The following AKAP7 variants were observed in gnomAD, a reference collection of about 807,000 sequenced individuals.
The protein encoded by AKAP7 is A kinase (PRKA) anchor protein 7.
A neutral mutation model predicts 39.5 loss-of-function variants in AKAP7; 39 were observed. The ratio of observed to expected loss-of-function variants is 0.99; its 90% confidence interval spans 0.76 to 1.29. The LOEUF (loss-of-function observed/expected upper bound fraction) is 1.29, where lower values mean the gene tolerates loss of function less well. Among genes scored for constraint, AKAP7 ranks in the 50% most tolerant of loss-of-function variants. The probability of loss-of-function intolerance (pLI) is 0.00; values close to 1 mark genes in which losing one functional copy is unlikely to be tolerated. For missense variants in AKAP7, 414 were observed against 407.7 expected, an observed-to-expected ratio of 1.02 and a Z score of -0.13; for synonymous variants, 140 against 139.1, an observed-to-expected ratio of 1.01 and a Z score of -0.05.
chr6:131,182,784 A>G (rs917643584), intron 5 of AKAP7, among the ~76,000 whole-genome samples: 2 of 151,926 alleles, frequency 1.3e-5, no homozygotes, highest in East Asian at 3.9e-4. Flanking sequence ...GGGCTCCAAC[A>G]CTTGTTATTT....
intron 7 of AKAP7, among the ~76,000 whole-genome samples, chr6:131,275,718 C>T (rs1445800862): frequency 6.6e-6 from 1 of 152,190 alleles, no homozygotes; most frequent in Non-Finnish European, 1.5e-5. Flanking sequence ...AGTCACAGGG[C>T]TCATCCTGAA....
chr6:131,273,774 C>T (rs577133744), intron 7 of AKAP7, among the ~76,000 whole-genome samples: 7 of 152,094 alleles, frequency 4.6e-5, no homozygotes, highest in Non-Finnish European at 8.8e-5. Flanking sequence ...CTAAATTTCT[C>T]TGTAGTATCA....
chr6:131,158,613 T>A (rs940220555), intron 2 of AKAP7, among the ~76,000 whole-genome samples: 1 of 152,050 alleles, frequency 6.6e-6, no homozygotes, highest in East Asian at 1.9e-4. Flanking sequence ...GTTCAAGCGA[T>A]TTTGTGCCTC....
chr6:131,174,523 C>T (rs1326400228), intron 5 of AKAP7, among the ~76,000 whole-genome samples: 1 of 152,236 alleles, frequency 6.6e-6, no homozygotes, highest in East Asian at 1.9e-4. Flanking sequence ...AGCTCAGGGC[C>T]TGGAGGTTAC....
At chr6:131,131,292 T>C (rs563689748), upstream of AKAP7, among the ~76,000 whole-genome samples, 10 of 152,288 alleles carry the variant, frequency 6.6e-5, no homozygotes, top group South Asian at 2.1e-3. Context: ...GGGTTGTCTA[T>C]GCTAGATGCT....
intron 2 of AKAP7, among the ~76,000 whole-genome samples, chr6:131,159,474 A>G (rs866320901): frequency 4.6e-5 from 7 of 152,252 alleles, no homozygotes; most frequent in Non-Finnish European, 7.3e-5. Context: ...AAATTATTAG[A>G]AAATGAAATA....
At chr6:131,196,966 C>T (rs1806997908) in intron 5 of AKAP7, among the ~76,000 whole-genome samples, 1 of 151,996 alleles carries the variant, frequency 6.6e-6, no homozygotes, top group Non-Finnish European at 1.5e-5. Context: ...ATATTTATAA[C>T]TCTGGTCTCC....
chr6:131,203,493 A>T (rs913157368), intron 6 of AKAP7, among the ~76,000 whole-genome samples: 4 of 152,182 alleles, frequency 2.6e-5, no homozygotes, highest in Admixed American at 6.6e-5. Context: ...GACTCATTTC[A>T]CGTATGTTAT....
At chr6:131,194,273 T>G (rs1411204040) in intron 5 of AKAP7, among the ~76,000 whole-genome samples, 1 of 151,996 alleles carries the variant, frequency 6.6e-6, no homozygotes, top group Non-Finnish European at 1.5e-5. Flanking sequence ...TTTTTCAGTT[T>G]TCTTTTTAAT....
intron 2 of AKAP7, 58 bp downstream of exon 2, chr6:131,145,474 T>A: frequency 8.6e-7 from 1 of 1,157,500 alleles, no homozygotes; most frequent in Non-Finnish European, 1.1e-6. Flanking sequence ...AATTTAGTTA[T>A]ATATATATTT....
chr6:131,135,370 G>T (rs1353501102), upstream of AKAP7, among the ~76,000 whole-genome samples: 1 of 152,196 alleles, frequency 6.6e-6, no homozygotes, highest in Non-Finnish European at 1.5e-5. Flanking sequence ...CTGCCGTGAC[G>T]CCGCAGTCGC....
At chr6:131,194,726 G>T (rs1806752672) in intron 5 of AKAP7, among the ~76,000 whole-genome samples, 1 of 152,072 alleles carries the variant, frequency 6.6e-6, no homozygotes, top group Admixed American at 6.6e-5. Context: ...CCAATGTTGG[G>T]TGTAAATATG....
intron 7 of AKAP7, among the ~76,000 whole-genome samples, chr6:131,261,161 G>A (rs572091754): frequency 1.4e-4 from 20 of 147,938 alleles, no homozygotes; most frequent in Middle Eastern, 3.5e-3. Flanking sequence ...GCACCATTGC[G>A]CAACAAGAGC....
At chr6:131,268,273 C>T (rs999090265) in intron 7 of AKAP7, among the ~76,000 whole-genome samples, 2 of 152,138 alleles carry the variant, frequency 1.3e-5, no homozygotes, top group Admixed American at 1.3e-4. Flanking sequence ...ATGAACTAAG[C>T]TTCCTAATTC....
intron 4 of AKAP7, among the ~76,000 whole-genome samples, chr6:131,168,491 G>A (rs1246336674): frequency 1.3e-5 from 2 of 151,966 alleles, no homozygotes; most frequent in African/African-American, 2.4e-5. Context: ...AAGAAGGAAA[G>A]ATATCGCACT....
intron 7 of AKAP7, among the ~76,000 whole-genome samples, chr6:131,249,528 GTAAA>G (rs923813260): frequency 8.5e-5 from 13 of 152,130 alleles, no homozygotes; most frequent in Admixed American, 4.6e-4. Flanking sequence ...TGCCTAGCTA[GTAAA>G]TAGAGGAGTA....
At position 131,161,644 on chromosome 6, in the gene AKAP7, C is replaced by CAAAAAAAAAAAAAAAAAAAAAAAAA. The variant is rs55744190; in HGVS notation, c.291+1462_291+1486dup. Among the ~76,000 whole-genome samples, 11 of 33,624 alleles carry CAAAAAAAAAAAAAAAAAAAAAAAAA rather than the reference C, an allele frequency of 3.3e-4. 2 individuals are homozygous for CAAAAAAAAAAAAAAAAAAAAAAAAA. Among genetic ancestry groups the CAAAAAAAAAAAAAAAAAAAAAAAAA allele is most frequent in the Non-Finnish European group, 4.7e-4 (9 of 19,038 alleles). The allele number at this position is 33,624 out of a possible 152,430, so 22.1% of individuals were successfully genotyped here. On this transcript the variant is annotated intron_variant, in intron 3 of 7. Transcript: ENST00000431975. ...TGGGTGACAGAGCCAGACTGTATCTCAAAAAAAAAAAAAAAAAAAAAAAAA... is the reference window on the plus strand; with the variant it reads ...TGGGTGACAGAGCCAGACTGTATCTCAAAAAAAAAAAAAAAAAAAAAAAAAAAAAAAAAAAAAAAAAAAAAAAAAA...
At chr6:131,190,911 C>T (rs759123625) in intron 5 of AKAP7, among the ~76,000 whole-genome samples, 1 of 152,126 alleles carries the variant, frequency 6.6e-6, no homozygotes, top group African/African-American at 2.4e-5. Context: ...AGACTGTAAC[C>T]TCCCAGGAGA....
intron 5 of AKAP7, among the ~76,000 whole-genome samples, chr6:131,169,821 T>C (rs1803856623): frequency 6.6e-6 from 1 of 152,110 alleles, no homozygotes; most frequent in East Asian, 1.9e-4. Flanking sequence ...TCACTTCATT[T>C]CATGTCATGT....
Sources: gnomAD v4.1 joint callset for allele counts (sites outside exome capture counted in the v4.1 genomes callset) on GRCh38, gnomAD v4.1.1 for gene constraint, MANE v1.5 for transcripts, NCBI Gene and HGNC (gene_info 2026-07-23, HGNC 2026-07-21) for gene names.